Variants in EFHC2 observed in about 807,000 individuals in gnomAD.
EFHC2 encodes EF-hand domain containing 2, also known as EF-hand domain-containing family member C2.
In EFHC2, 18 loss-of-function variants were observed where a neutral mutation model predicts 52.7. That is an observed-to-expected ratio of 0.34 (90% CI 0.24 to 0.51). The LOEUF (loss-of-function observed/expected upper bound fraction) is 0.51, where lower values mean the gene tolerates loss of function less well. Ranked by LOEUF, EFHC2 falls within the 20% of genes least tolerant of loss-of-function variation. The probability of loss-of-function intolerance (pLI) is 0.97; values close to 1 mark genes in which losing one functional copy is unlikely to be tolerated. For missense variants in EFHC2, 513 were observed against 562.5 expected (o/e 0.91, Z 0.89); for synonymous variants, 203 against 204.1 (o/e 0.99, Z 0.04).
intron 2 of EFHC2, among the ~76,000 whole-genome samples, chrX:44,299,227 G>C (rs1181308030): frequency 9.0e-6 from 1 of 111,553 alleles, no homozygotes; most frequent in Non-Finnish European, 1.9e-5. Flanking sequence ...TCCCAAGTTA[G>C]CCTGAAAAAC....
chrX:44,151,587 C>T (rs759051253), intron 14 of EFHC2, among the ~76,000 whole-genome samples: 4 of 111,631 alleles, frequency 3.6e-5, no homozygotes, highest in Non-Finnish European at 5.6e-5. Flanking sequence ...TATGTCTTCA[C>T]GCAGCTTTCT....
intron 1 of EFHC2, among the ~76,000 whole-genome samples, chrX:44,320,501 A>G (rs908458363): frequency 9.0e-6 from 1 of 111,593 alleles, no homozygotes; most frequent in African/African-American, 3.3e-5. Context: ...TAAGCAAACA[A>G]AAGTGACTGC....
intron 11 of EFHC2, among the ~76,000 whole-genome samples, chrX:44,205,340 T>C (rs1195696156): frequency 5.5e-5 from 6 of 109,680 alleles, no homozygotes; most frequent in African/African-American, 1.7e-4. Flanking sequence ...GAACAAAACC[T>C]CACATATCAA....
intron 2 of EFHC2, among the ~76,000 whole-genome samples, chrX:44,301,434 ACT>A (rs2037868620): frequency 9.0e-6 from 1 of 111,279 alleles, no homozygotes; most frequent in African/African-American, 3.3e-5. Context: ...TGTGTGAATA[ACT>A]CTTTCTCTAT....
Position 44,242,245 on chromosome X carries a change from T to C in EFHC2, c.1156A>G (p.Lys386Glu), listed in dbSNP as rs755146292. The change falls in exon 8 of 15, where the codon AAA (lysine) becomes GAA (glutamate). Residue 386 changes from lysine (K) to glutamate (E), a missense_variant. By Grantham distance (56) the Lys-to-Glu change is moderately conservative (BLOSUM62 1). Coordinates refer to ENST00000420999, the MANE Select transcript of EFHC2 (RefSeq NM_025184.4). ...TAAGGTGGAAATTTCCTTTCTATTT[T>C]TGGAGGAGGAGAAGGAGGCTTGCAT... ...VSCKPPSPPPKIERKFPPYNG... is the reference protein window; with the variant it reads ...VSCKPPSPPPEIERKFPPYNG... 4 of 1,208,795 alleles carry C rather than the reference T, an allele frequency of 3.3e-6. No homozygotes were observed. The South Asian group carries it at 5.3e-5, about 16-fold the overall frequency.
chrX:44,290,022 G>C (rs2037781918), intron 2 of EFHC2, among the ~76,000 whole-genome samples: 2 of 111,921 alleles, frequency 1.8e-5, no homozygotes, highest in Admixed American at 1.9e-4. Context: ...GCTTTTGTTT[G>C]TATTGTTTTC....
chrX:44,260,863 A>G (rs1426207568), intron 4 of EFHC2, among the ~76,000 whole-genome samples: 5 of 112,149 alleles, frequency 4.5e-5, no homozygotes, highest in African/African-American at 1.3e-4. Context: ...GAGAGTCTCT[A>G]CAGAGAGAAT....
At chrX:44,303,144 A>G (rs2037880126) in intron 2 of EFHC2, among the ~76,000 whole-genome samples, 1 of 111,282 alleles carries the variant, frequency 9.0e-6, no homozygotes, top group Non-Finnish European at 1.9e-5. Context: ...TGCTGTTACA[A>G]GCTGGCCTGG....
At position 44,248,836 on chromosome X, in the gene EFHC2, G is replaced by C; in HGVS notation, c.939C>G (p.Asn313Lys). The change falls in exon 6 of 15, where the codon AAC becomes AAG. Residue 313 changes from asparagine (N) to lysine (K), a missense_variant. Asn to Lys is a moderately conservative substitution (Grantham distance 94). Coordinates refer to ENST00000420999, the MANE Select transcript of EFHC2 (RefSeq NM_025184.4). ...TATCGAACAGGTAGCCATCCGCTTG[G>C]TTCTTTATAAAGTCACCATATGAAT... Reference protein sequence around the residue: ...VLNSYGDFIKNQADGYLFDRY... With the variant: ...VLNSYGDFIKKQADGYLFDRY... 8.3e-7 allele frequency: 1 copy of C among 1,209,774 alleles called. No homozygotes were observed. Among genetic ancestry groups the C allele is most frequent in the Non-Finnish European group, 1.1e-6 (1 of 894,540 alleles).
chrX:44,156,310 C>T (rs1171936794), intron 14 of EFHC2, among the ~76,000 whole-genome samples: 1 of 112,507 alleles, frequency 8.9e-6, no homozygotes. Context: ...TTTATTTCGA[C>T]TGTTATATTC....
At chrX:44,303,593 T>G (rs1037720587) in intron 2 of EFHC2, among the ~76,000 whole-genome samples, 1 of 109,227 alleles carries the variant, frequency 9.2e-6, no homozygotes, top group Non-Finnish European at 1.9e-5. Flanking sequence ...GTATGTTTTT[T>G]CCCTTGCTGC....
At chrX:44,328,285 C>T (rs909108150) in intron 1 of EFHC2, among the ~76,000 whole-genome samples, 3 of 111,857 alleles carry the variant, frequency 2.7e-5, no homozygotes, top group Non-Finnish European at 5.6e-5. Context: ...ATACAGGTCA[C>T]GTTCCCCTCA....
intron 10 of EFHC2, among the ~76,000 whole-genome samples, chrX:44,231,603 C>T (rs1272277685): frequency 9.1e-6 from 1 of 109,889 alleles, no homozygotes; most frequent in Non-Finnish European, 1.9e-5. Context: ...TCTGTCTTGG[C>T]GTCTGCTTCT....
chrX:44,254,739 C>G (rs1318845114), intron 4 of EFHC2, among the ~76,000 whole-genome samples: 4 of 111,987 alleles, frequency 3.6e-5, no homozygotes, highest in Non-Finnish European at 7.5e-5. Context: ...CCTAGCAAGA[C>G]AGGCCAACAT....
At chrX:44,305,539 CTAGCT>C (rs1478179179) in intron 2 of EFHC2, among the ~76,000 whole-genome samples, 1 of 112,289 alleles carries the variant, frequency 8.9e-6, no homozygotes, top group Non-Finnish European at 1.9e-5. Context: ...AAAATATTAT[CTAGCT>C]TAATTGCTGA....
intron 4 of EFHC2, among the ~76,000 whole-genome samples, chrX:44,252,620 C>T (rs191134610): frequency 1.8e-5 from 2 of 112,142 alleles, no homozygotes; most frequent in East Asian, 5.6e-4. Flanking sequence ...AGACAGCAAA[C>T]ACTGCAGAAG....
intron 13 of EFHC2, among the ~76,000 whole-genome samples, chrX:44,175,117 G>A (rs1364803674): frequency 8.9e-6 from 1 of 111,882 alleles, no homozygotes; most frequent in African/African-American, 3.3e-5. Context: ...CCCCACTATG[G>A]AGAAGGAGCT....
chrX:44,181,143 T>C (rs1299068729), intron 11 of EFHC2, among the ~76,000 whole-genome samples: 1 of 111,243 alleles, frequency 9.0e-6, no homozygotes, highest in Non-Finnish European at 1.9e-5. Flanking sequence ...GTAGGATAGA[T>C]GTCCATGCTA....
intron 11 of EFHC2, among the ~76,000 whole-genome samples, chrX:44,220,248 A>G (rs2037183333): frequency 9.0e-6 from 1 of 111,730 alleles, no homozygotes; most frequent in South Asian, 3.7e-4. Flanking sequence ...AAACAGCACA[A>G]CACATATGTG....
Sources: allele counts gnomAD v4.1 joint callset (sites outside exome capture counted in the v4.1 genomes callset), GRCh38; gene constraint gnomAD v4.1.1; transcripts MANE v1.5; gene names NCBI Gene and HGNC (gene_info 2026-07-23, HGNC 2026-07-21).